Variants in PAG1 observed in about 807,000 individuals in gnomAD.
The protein encoded by PAG1 is phosphoprotein associated with glycosphingolipid-enriched microdomains 1.
A neutral mutation model predicts 31.7 loss-of-function variants in PAG1; 23 were observed. The observed-to-expected ratio is 0.73, with a 90% confidence interval of 0.52 to 1.03. The LOEUF (loss-of-function observed/expected upper bound fraction) is 1.03. Ranked by LOEUF, PAG1 falls within the 50% of genes least tolerant of loss-of-function variation. The pLI, the probability that PAG1 is intolerant of heterozygous loss-of-function variation, is 0.00. For missense variants in PAG1, 473 were observed against 540.7 expected (o/e 0.87, Z 1.24); for synonymous variants, 214 against 210.3 (o/e 1.02, Z -0.15).
intron 2 of PAG1, chr8:81,037,172 T>C (rs7814923): frequency 2.6e-4 from 40 of 152,324 alleles, no homozygotes; most frequent in African/African-American, 9.1e-4. Context: ...TGTAATCTCC[T>C]TTCCAAGAGG....
At chr8:81,103,480 G>A (rs1024890445) in intron 1 of PAG1, among the ~76,000 whole-genome samples, 10 of 152,068 alleles carry the variant, frequency 6.6e-5, no homozygotes, top group African/African-American at 2.2e-4. Context: ...TATGTATAAC[G>A]GGAGTGATTC....
intron 2 of PAG1, among the ~76,000 whole-genome samples, chr8:81,036,266 G>C (rs186774496): frequency 1.3e-5 from 2 of 152,164 alleles, no homozygotes; most frequent in Admixed American, 6.5e-5. Context: ...TTCAGGAAGA[G>C]AGCAATTTAT....
Position 81,074,710 on chromosome 8 carries a change from A to G in PAG1, c.-233-4540T>C, listed in dbSNP as rs146327231. The stretch of plus-strand genomic sequence containing the variant: ...CTAATAAGACCCCCAGGTGATTCAC[A>G]CTAAATTTGGGGAAAAACAGCCTTA... On this transcript the variant is annotated intron_variant, in intron 1 of 8. Coordinates refer to ENST00000220597, the MANE Select transcript of PAG1 (RefSeq NM_018440.4). Among the ~76,000 whole-genome samples the G allele has an allele frequency of 5.8e-4, 88 of 152,304 alleles. No homozygotes were observed. In the East Asian group the frequency reaches 0.012, roughly 20 times the overall value.
chr8:81,072,242 C>A (rs770671123), intron 1 of PAG1, among the ~76,000 whole-genome samples: 5 of 152,208 alleles, frequency 3.3e-5, no homozygotes, highest in Non-Finnish European at 7.3e-5. Flanking sequence ...CCAACTTGTT[C>A]CAACCTCCTG....
intron 2 of PAG1, among the ~76,000 whole-genome samples, chr8:81,034,768 A>G (rs941177327): frequency 6.6e-6 from 1 of 152,192 alleles, no homozygotes; most frequent in African/African-American, 2.4e-5. Flanking sequence ...GAAGACACCT[A>G]TTTAAAGAAG....
At chr8:81,088,750 C>T (rs114525476) in intron 1 of PAG1, among the ~76,000 whole-genome samples, 1,998 of 152,044 alleles carry the variant, frequency 0.013, 46 homozygotes, top group African/African-American at 0.045. Context: ...GCTTAACATG[C>T]CAGTGGAAAG....
chr8:81,032,729 A>G (rs1808396706), intron 2 of PAG1, among the ~76,000 whole-genome samples: 2 of 152,220 alleles, frequency 1.3e-5, no homozygotes, highest in African/African-American at 4.8e-5. Context: ...GGTATATAGC[A>G]AAAGAAATGA....
Position 81,033,978 on chromosome 8 carries a change from T to C in PAG1, c.-174-3889A>G, listed in dbSNP as rs115623338. ...TCTCCCTGCTATCTGGGTAGACAAA[T>C]ACAGGGATTGAGGAGAATAGACTTC... On this transcript the variant is annotated intron_variant, in intron 2 of 8. Coordinates refer to ENST00000220597, the MANE Select transcript of PAG1 (RefSeq NM_018440.4). Among the ~76,000 whole-genome samples the C allele has an allele frequency of 6.6e-3, 999 of 152,322 alleles. 17 individuals carry two copies. Among genetic ancestry groups the C allele is most frequent in the African/African-American group, 0.023 (944 of 41,576 alleles).
At chr8:81,006,589 G>C (rs948805988) in intron 3 of PAG1, among the ~76,000 whole-genome samples, 2 of 152,088 alleles carry the variant, frequency 1.3e-5, no homozygotes, top group Non-Finnish European at 2.9e-5. Context: ...GGAGCCAATG[G>C]GATTACAAGA....
chr8:80,981,334 G>C (rs1394109105), intron 7 of PAG1, among the ~76,000 whole-genome samples: 1 of 151,772 alleles, frequency 6.6e-6, no homozygotes, highest in Non-Finnish European at 1.5e-5. Context: ...TTGGTGTCCT[G>C]TACTGCTTTA....
chr8:81,066,371 G>A (rs2130948062), intron 2 of PAG1, among the ~76,000 whole-genome samples: 1 of 152,276 alleles, frequency 6.6e-6, no homozygotes, highest in East Asian at 1.9e-4. Flanking sequence ...ATCAGAACAT[G>A]GATTTTTGAG....
intron 3 of PAG1, among the ~76,000 whole-genome samples, chr8:81,021,674 G>T (rs1300026766): frequency 6.6e-6 from 1 of 151,716 alleles, no homozygotes; most frequent in Non-Finnish European, 1.5e-5. Context: ...AAAGAAAAGG[G>T]CAGATGTTAA....
rs1807178248 is a variant in PAG1, at chr8:80,976,344, G to A, written c.*200C>T. On this transcript the variant is annotated 3_prime_UTR_variant, in exon 9 of 9. Coordinates refer to ENST00000220597, the MANE Select transcript of PAG1 (RefSeq NM_018440.4). ...GTACCTGTCCATCTGGCAGGCAGGG[G>A]CACACTCAGGTGCAGCCTAGTCCGT... 5 of 551,940 alleles carry A rather than the reference G, an allele frequency of 9.1e-6. No homozygotes were observed. In the Admixed American group the frequency reaches 1.0e-4, roughly 11 times the overall value. The allele number at this position is 551,940 out of a possible 1,614,324, so 34.2% of individuals were successfully genotyped here. A position where few individuals can be genotyped will look rare whatever the true frequency, so the allele number is the denominator to read the frequency against.
chr8:81,052,463 T>C (rs891138035), intron 2 of PAG1, among the ~76,000 whole-genome samples: 1 of 152,176 alleles, frequency 6.6e-6, no homozygotes, highest in Non-Finnish European at 1.5e-5. Flanking sequence ...TTTCAGCTAT[T>C]TTGCAGACTG....
intron 1 of PAG1, among the ~76,000 whole-genome samples, chr8:81,080,809 G>C (rs889795277): frequency 6.6e-6 from 1 of 152,162 alleles, no homozygotes; most frequent in Non-Finnish European, 1.5e-5. Context: ...GGGCCATTTG[G>C]AATATGGCTT....
Position 81,071,493 on chromosome 8 carries a change from C to A in PAG1, c.-233-1323G>T, listed in dbSNP as rs954839214. On this transcript the variant is annotated intron_variant, in intron 1 of 8. Transcript: ENST00000220597. ...GGTGCTGGGAAATTTCCCCACCAGTCTGAAAACCTATCATTTATAAAACCA... is the reference window on the plus strand; with the variant it reads ...GGTGCTGGGAAATTTCCCCACCAGTATGAAAACCTATCATTTATAAAACCA... 6.3e-4 allele frequency among the ~76,000 whole-genome samples: 96 copies of A among 152,194 alleles called. 1 individual carries two copies. Among genetic ancestry groups the A allele is most frequent in the Admixed American group, 5.0e-3 (76 of 15,290 alleles).
At chr8:80,994,131 T>TACCCACTGCCATCTCTCATCTCCCTC (rs1563621583) in intron 3 of PAG1, among the ~76,000 whole-genome samples, 1 of 150,352 alleles carries the variant, frequency 6.7e-6, no homozygotes, top group Non-Finnish European at 1.5e-5. Context: ...CTCATCTCCC[T>TACCCACTGCCATCTCTCATCTCCCTC]ACCCACTGCC....
At chr8:80,997,614 G>A (rs1457887651) in intron 3 of PAG1, among the ~76,000 whole-genome samples, 2 of 152,144 alleles carry the variant, frequency 1.3e-5, no homozygotes, top group African/African-American at 4.8e-5. Flanking sequence ...TATTCTTTGA[G>A]TTATTCAACA....
chr8:81,045,775 A>T (rs540290204), intron 2 of PAG1, among the ~76,000 whole-genome samples: 1 of 152,364 alleles, frequency 6.6e-6, no homozygotes, highest in African/African-American at 2.4e-5. Flanking sequence ...CTGTTAAAAC[A>T]AGCCAATTCT....
Sources: allele counts gnomAD v4.1 joint callset (sites outside exome capture counted in the v4.1 genomes callset), GRCh38; gene constraint gnomAD v4.1.1; transcripts MANE v1.5; gene names NCBI Gene and HGNC (gene_info 2026-07-23, HGNC 2026-07-21).